The following TGFBR3 variants were observed in gnomAD, a reference collection of about 807,000 sequenced individuals.
The protein encoded by TGFBR3 is transforming growth factor beta receptor type 3.
A neutral mutation model predicts 87.9 loss-of-function variants in TGFBR3; 46 were observed. That is an observed-to-expected ratio of 0.52 (90% confidence interval 0.41 to 0.67). TGFBR3 has a LOEUF of 0.67. Ranked by LOEUF, TGFBR3 falls within the 30% of genes least tolerant of loss-of-function variation. The pLI is 0.00. For missense variants in TGFBR3, 866 were observed against 1,041.9 expected (o/e 0.83, Z 2.32); for synonymous variants, 381 against 391.6 (o/e 0.97, Z 0.32).
intron 1 of TGFBR3, among the ~76,000 whole-genome samples, chr1:91,875,780 C>CG (rs1204497451): frequency 4.7e-3 from 32 of 6,848 alleles, no homozygotes; most frequent in East Asian, 0.019. Flanking sequence ...CCCAGCTACT[C>CG]GGGCGGGGGG....
intron 2 of TGFBR3, among the ~76,000 whole-genome samples, chr1:91,817,886 A>AAC (rs1382005599): frequency 6.6e-6 from 1 of 151,866 alleles, no homozygotes; most frequent in Non-Finnish European, 1.5e-5. Context: ...AACAGAAAAA[A>AAC]AAAAAAAAAG....
rs375814486 is a variant in TGFBR3, at chr1:91,879,342, T to C, written c.-114+6536A>G. ...AGGCTCTACATATAACTGAATCCTC[T>C]TCCCAGGATGGAAGAAGATTTCAAC... is the stretch of plus-strand genomic sequence containing the variant. On this transcript the variant is annotated intron_variant, in intron 1 of 16. Coordinates refer to ENST00000212355, the MANE Select transcript of TGFBR3 (RefSeq NM_003243.5). Among the ~76,000 whole-genome samples the C allele has an allele frequency of 6.8e-4, 104 of 152,062 alleles. 1 individual carries two copies. Among genetic ancestry groups the C allele is most frequent in the African/African-American group, 2.4e-3 (100 of 41,490 alleles).
intron 1 of TGFBR3, among the ~76,000 whole-genome samples, chr1:91,867,697 G>A (rs1382559920): frequency 6.6e-6 from 1 of 152,160 alleles, no homozygotes; most frequent in East Asian, 1.9e-4. Flanking sequence ...AAAGGTTTCT[G>A]TACCTTTTCA....
At chr1:91,786,273 AGTT>A (rs1674956825) in intron 3 of TGFBR3, 2 of 456,052 alleles carry the variant, frequency 4.4e-6, no homozygotes, top group Non-Finnish European at 4.4e-6. Context: ...TATTTAGAGA[AGTT>A]TGGTTTTATG....
chr1:91,696,953 A>G (rs1671453649), intron 15 of TGFBR3, among the ~76,000 whole-genome samples: 1 of 152,122 alleles, frequency 6.6e-6, no homozygotes. Flanking sequence ...CGAACTCCCA[A>G]GTTCTGGTCC....
At chr1:91,874,759 C>T (rs186732709) in intron 1 of TGFBR3, among the ~76,000 whole-genome samples, 2 of 152,220 alleles carry the variant, frequency 1.3e-5, no homozygotes, top group East Asian at 3.9e-4. Flanking sequence ...TCCCAAAGTG[C>T]TGGGATTACA....
At chr1:91,845,538 C>G (rs191313504) in intron 2 of TGFBR3, among the ~76,000 whole-genome samples, 1 of 152,236 alleles carries the variant, frequency 6.6e-6, no homozygotes, top group Non-Finnish European at 1.5e-5. Context: ...TCTCTCTCAT[C>G]TATAAGGGAC....
chr1:91,880,555 G>A (rs575444146), intron 1 of TGFBR3, among the ~76,000 whole-genome samples: 6 of 152,014 alleles, frequency 3.9e-5, no homozygotes, highest in South Asian at 2.1e-4. Flanking sequence ...CCGAGATCGC[G>A]CCACTGCACT....
At chr1:91,721,212 G>C (rs962383437) in intron 8 of TGFBR3, among the ~76,000 whole-genome samples, 1 of 152,140 alleles carries the variant, frequency 6.6e-6, no homozygotes, top group Non-Finnish European at 1.5e-5. Flanking sequence ...TCATAGCTTT[G>C]TAGGGTTTTT....
chr1:91,778,002 G>A (rs942162541), intron 3 of TGFBR3, among the ~76,000 whole-genome samples: 3 of 152,136 alleles, frequency 2.0e-5, no homozygotes, highest in Non-Finnish European at 4.4e-5. Flanking sequence ...AGATTCACAT[G>A]TACTCTGTCC....
chr1:91,795,658 G>A (rs539704898), intron 3 of TGFBR3, among the ~76,000 whole-genome samples: 1 of 152,250 alleles, frequency 6.6e-6, no homozygotes, highest in Admixed American at 6.5e-5. Context: ...TATATAAAAT[G>A]AGTAATTGTC....
chr1:91,793,458 T>C (rs988916547), intron 3 of TGFBR3, among the ~76,000 whole-genome samples: 51 of 152,162 alleles, frequency 3.4e-4, no homozygotes, highest in Admixed American at 3.9e-4. Flanking sequence ...GTAATTGTTT[T>C]GCTAATTTGT....
intron 3 of TGFBR3, among the ~76,000 whole-genome samples, chr1:91,766,198 C>CTTTTTTTT (rs749978314): frequency 7.0e-5 from 8 of 114,456 alleles, no homozygotes; most frequent in African/African-American, 1.7e-4. Context: ...AGTTTGTTTT[C>CTTTTTTTT]TTTTTTTTTT....
chr1:91,779,161 G>A (rs1009325698), intron 3 of TGFBR3, among the ~76,000 whole-genome samples: 2 of 152,182 alleles, frequency 1.3e-5, no homozygotes, highest in African/African-American at 4.8e-5. Flanking sequence ...CTGAACTGGT[G>A]AACTTCGTGA....
chr1:91,687,745 T>C (rs1195339009), intron 16 of TGFBR3, among the ~76,000 whole-genome samples: 1 of 152,146 alleles, frequency 6.6e-6, no homozygotes, highest in African/African-American at 2.4e-5. Context: ...TTAGATCAGA[T>C]AGAAAAGAAC....
chr1:91,685,751 A>C (rs1429049614), intron 16 of TGFBR3, among the ~76,000 whole-genome samples: 1 of 152,162 alleles, frequency 6.6e-6, no homozygotes, highest in Non-Finnish European at 1.5e-5. Context: ...TTCTGCCAAA[A>C]ATTCACTTTC....
At chr1:91,858,551 G>C (rs191086901) in intron 2 of TGFBR3, among the ~76,000 whole-genome samples, 1 of 141,272 alleles carries the variant, frequency 7.1e-6, no homozygotes, top group African/African-American at 2.6e-5. Context: ...GGAGATGGAG[G>C]TTACAATGAG....
At chr1:91,786,620 G>A (rs928643852) in intron 3 of TGFBR3, among the ~76,000 whole-genome samples, 3 of 151,834 alleles carry the variant, frequency 2.0e-5, no homozygotes, top group Non-Finnish European at 1.5e-5. Flanking sequence ...GTGTAGTGGC[G>A]GGTGCCTGTA....
chr1:91,785,863 C>T (rs1457554507), intron 3 of TGFBR3, among the ~76,000 whole-genome samples: 6 of 151,510 alleles, frequency 4.0e-5, no homozygotes, highest in South Asian at 2.1e-4. Flanking sequence ...AACCTTCGGG[C>T]TCAAGTGATC....
Sources: gnomAD v4.1 joint callset for allele counts (sites outside exome capture counted in the v4.1 genomes callset) on GRCh38, gnomAD v4.1.1 for gene constraint, MANE v1.5 for transcripts, NCBI Gene and HGNC (gene_info 2026-07-23, HGNC 2026-07-21) for gene names.